Variants in SLC5A10 observed in about 807,000 individuals in gnomAD.
SLC5A10 encodes solute carrier family 5 member 10, also known as sodium/mannose cotransporter SLC5A10.
In SLC5A10, 55 loss-of-function variants were observed where a neutral mutation model predicts 68.9. The ratio of observed to expected loss-of-function variants is 0.80; its 90% CI spans 0.64 to 1.00. The LOEUF is 1.00. Ranked by LOEUF, SLC5A10 falls within the 50% of genes least tolerant of loss-of-function variation. The probability of loss-of-function intolerance (pLI) is 0.00; values close to 1 mark genes in which losing one functional copy is unlikely to be tolerated. For synonymous variants in SLC5A10, 344 were observed against 344.8 expected, an observed-to-expected ratio of 1.00 and a Z score of 0.02; for missense variants, 732 against 819.3, an observed-to-expected ratio of 0.89 and a Z score of 1.30.
intron 8 of SLC5A10, chr17:18,976,376 A>G (rs906423406): frequency 3.3e-5 from 5 of 153,660 alleles, no homozygotes; most frequent in African/African-American, 1.2e-4. Context: ...CTGCTACTGA[A>G]CTGCAAGCTT....
At chr17:18,985,708 A>G (rs564292534) in intron 9 of SLC5A10, among the ~76,000 whole-genome samples, 3 of 152,318 alleles carry the variant, frequency 2.0e-5, no homozygotes, top group African/African-American at 7.2e-5. Flanking sequence ...GCCAGGTCAC[A>G]CTTTCCCATG....
At position 18,968,384 on chromosome 17, in the gene SLC5A10, G is replaced by T. The variant is rs375051305; in HGVS notation, c.454-668G>T. Among the ~76,000 whole-genome samples the T allele has an allele frequency of 6.6e-6, 1 of 152,226 alleles. No individual in the cohort carries two copies. The highest frequency in any genetic ancestry group is 1.5e-5 in the Non-Finnish European group (1 of 68,032). On this transcript the variant is annotated intron_variant, in intron 5 of 14. Coordinates refer to ENST00000395645, the MANE Select transcript of SLC5A10 (RefSeq NM_001042450.4). This position sits in a 1 kb window ranked among gnomAD's most constrained non-coding sequence, Gnocchi z 4.1. ...CACTGGGCCCCTACTGCCAGGTGGA[G>T]GGTGGGATTCTGGTCTTTGAGGCCC...
At chr17:18,973,033 G>A (rs1323210142) in intron 8 of SLC5A10, among the ~76,000 whole-genome samples, 4 of 152,220 alleles carry the variant, frequency 2.6e-5, no homozygotes, top group African/African-American at 9.6e-5. Flanking sequence ...TCATGGGAGG[G>A]CTTTCCAGGG....
At chr17:18,962,594 G>C (rs2042632236) in intron 5 of SLC5A10, among the ~76,000 whole-genome samples, 1 of 152,190 alleles carries the variant, frequency 6.6e-6, no homozygotes, top group Non-Finnish European at 1.5e-5. Flanking sequence ...GGCAAGGGAG[G>C]TCTGATTGTA....
Position 18,976,897 on chromosome 17 carries a change from C to T in SLC5A10, c.890C>T (p.Ala297Val). Residue 297 changes from alanine (A) to valine (V), a missense_variant, in exon 9 of 15, where the codon GCC (alanine) becomes GTC (valine). Ala to Val is a moderately conservative substitution (Grantham distance 64). Transcript: ENST00000395645. ...CTGTCAGCCCGGGACCTGAACCATG[C>T]CAAGGCGGGCTCCATCCTGGCCAGC... ...RSLSARDLNH[A>V]KAGSILASYL... 3 of 1,613,618 alleles carry T rather than the reference C, an allele frequency of 1.9e-6. No homozygotes were observed. Among genetic ancestry groups the T allele is most frequent in the Non-Finnish European group, 2.5e-6 (3 of 1,180,016 alleles).
chr17:18,971,225 G>A lies in SLC5A10; in HGVS notation c.846+7G>A. 1.9e-6 allele frequency: 3 copies of A among 1,613,720 alleles called. No homozygotes were observed. Among genetic ancestry groups the A allele is most frequent in the Non-Finnish European group, 2.5e-6 (3 of 1,179,940 alleles). ...GTACTGGTGCACCGACCAGGTGAGTGCCAACGTCTCCCGCCCATCCCACCT... is the reference window on the plus strand; with the variant it reads ...GTACTGGTGCACCGACCAGGTGAGTACCAACGTCTCCCGCCCATCCCACCT... On this transcript the variant is annotated splice_region_variant and intron_variant, in intron 8 of 14. Coordinates refer to ENST00000395645, the MANE Select transcript of SLC5A10 (RefSeq NM_001042450.4). This position sits in a 1 kb window ranked among gnomAD's most constrained non-coding sequence, Gnocchi z 5.5.
chr17:19,003,248 G>A lies in SLC5A10; in HGVS notation c.983-10162G>A, dbSNP rs1422106914. Among the ~76,000 whole-genome samples, 1 of 150,878 alleles carries A rather than the reference G, an allele frequency of 6.6e-6. No individual in the cohort carries two copies. The highest frequency in any genetic ancestry group is 2.4e-5 in the African/African-American group (1 of 40,996). ...CCCTATCTCGGTGCCTTCTTCTGGGGAACCAGAAACACCCTCCAACAATAA... is the reference window on the plus strand; with the variant it reads ...CCCTATCTCGGTGCCTTCTTCTGGGAAACCAGAAACACCCTCCAACAATAA... On this transcript the variant is annotated intron_variant, in intron 9 of 14. Coordinates refer to ENST00000395645, the MANE Select transcript of SLC5A10 (RefSeq NM_001042450.4). This position sits in a 1 kb window ranked among gnomAD's most constrained non-coding sequence, Gnocchi z 4.5.
intron 13 of SLC5A10, 113 bp downstream of exon 13, chr17:19,020,041 C>G: frequency 7.0e-7 from 1 of 1,435,116 alleles, no homozygotes; most frequent in Non-Finnish European, 9.6e-7. Flanking sequence ...TACCTAGCCC[C>G]GTCCCTTTTT....
At chr17:18,979,250 G>A (rs1335437251) in intron 9 of SLC5A10, 2 of 481,092 alleles carry the variant, frequency 4.2e-6, no homozygotes, top group East Asian at 7.5e-5. Flanking sequence ...CACAGAGCTG[G>A]CCCCATCCCT....
Position 19,000,804 on chromosome 17 carries a change from G to A in SLC5A10, c.983-12606G>A, listed in dbSNP as rs1567805581. 6.6e-6 allele frequency among the ~76,000 whole-genome samples: 1 copy of A among 152,170 alleles called. No homozygotes were observed. Among genetic ancestry groups the A allele is most frequent in the Non-Finnish European group, 1.5e-5 (1 of 68,016 alleles). Reference sequence around the variant, plus strand: ...AGCATGGGCACGAGAGGTGATTCATGGGGAGAGATAAGGCAGGGAGCGCTC... The same window carrying A: ...AGCATGGGCACGAGAGGTGATTCATAGGGAGAGATAAGGCAGGGAGCGCTC... On this transcript the variant is annotated intron_variant, in intron 9 of 14. Coordinates refer to ENST00000395645, the MANE Select transcript of SLC5A10 (RefSeq NM_001042450.4). This position sits in a 1 kb window ranked among gnomAD's most constrained non-coding sequence, Gnocchi z 5.2.
Position 19,013,392 on chromosome 17 carries a change from T to G in SLC5A10, c.983-18T>G. 1 of 1,605,324 alleles carries G rather than the reference T, an allele frequency of 6.2e-7. No individual in the cohort carries two copies. The highest frequency in any genetic ancestry group is 8.5e-7 in the Non-Finnish European group (1 of 1,175,596). On this transcript the variant is annotated intron_variant, in intron 9 of 14. Transcript: ENST00000395645. ...CATGTCTATGAGGAGAGACACCAAGTGTCCGTCTCTCGAACAGATGATGTG... is the reference window on the plus strand; with the variant it reads ...CATGTCTATGAGGAGAGACACCAAGGGTCCGTCTCTCGAACAGATGATGTG...
chr17:19,006,778 T>C (rs2043902199), intron 9 of SLC5A10, among the ~76,000 whole-genome samples: 1 of 152,218 alleles, frequency 6.6e-6, no homozygotes, highest in Non-Finnish European at 1.5e-5. Context: ...ATGGAAGATA[T>C]AGTATATAAA....
intron 8 of SLC5A10, chr17:18,976,194 A>AAAAAAAAAAAAAAAAT (rs2042976367): frequency 6.6e-6 from 1 of 151,624 alleles, no homozygotes; most frequent in Non-Finnish European, 1.5e-5. Context: ...ACTCAAAAAA[A>AAAAAAAAAAAAAAAAT]AAGTAACTCT....
At chr17:18,982,639 G>C (rs186532604) in intron 9 of SLC5A10, among the ~76,000 whole-genome samples, 4 of 152,310 alleles carry the variant, frequency 2.6e-5, no homozygotes, top group African/African-American at 9.6e-5. Context: ...GCAAGGCAAG[G>C]TGGGGGCTCC....
Position 19,020,321 on chromosome 17 carries a change from C to G in SLC5A10, c.1685-4C>G, listed in dbSNP as rs1417810465. 1 of 1,614,046 alleles carries G rather than the reference C, an allele frequency of 6.2e-7. No homozygotes were observed. Among genetic ancestry groups the G allele is most frequent in the Non-Finnish European group, 8.5e-7 (1 of 1,180,012 alleles). On this transcript the variant is annotated splice_polypyrimidine_tract_variant and splice_region_variant and intron_variant, in intron 14 of 14. Transcript: ENST00000395645. Reference sequence around the variant, plus strand: ...TGTCCCTCTCCTTCTGCAACCCCCTCCAGGTGATGGCCAAACACCCCAGAA... The same window carrying G: ...TGTCCCTCTCCTTCTGCAACCCCCTGCAGGTGATGGCCAAACACCCCAGAA...
intron 9 of SLC5A10, among the ~76,000 whole-genome samples, chr17:18,984,471 G>A (rs893344142): frequency 6.6e-5 from 10 of 152,314 alleles, no homozygotes; most frequent in Admixed American, 5.2e-4. Context: ...GGGCTGGGTC[G>A]TGCCTGTCCA....
chr17:19,021,913 C>G lies in SLC5A10; in HGVS notation c.*1482C>G. ...GGGTGTCCATGTCCTCTCTGGACCT[C>G]AGTTCCTGTAAAAAGGCCCGTTGGC... On this transcript the variant is annotated 3_prime_UTR_variant, in exon 15 of 15. Coordinates refer to ENST00000395645, the MANE Select transcript of SLC5A10 (RefSeq NM_001042450.4). This position sits in a 1 kb window ranked among gnomAD's most constrained non-coding sequence, Gnocchi z 4.1. The G allele has an allele frequency of 6.9e-7, 1 of 1,451,882 alleles. No homozygotes were observed. Among genetic ancestry groups the G allele is most frequent in the Non-Finnish European group, 9.1e-7 (1 of 1,101,630 alleles). 89.9% of individuals were successfully genotyped at this position (1,451,882 alleles called of 1,614,324 possible).
intron 4 of SLC5A10, among the ~76,000 whole-genome samples, chr17:18,959,923 T>A (rs1004943499): frequency 6.6e-6 from 1 of 152,096 alleles, no homozygotes; most frequent in African/African-American, 2.4e-5. Flanking sequence ...GAGTGCTGCA[T>A]CTCAGGAATA....
chr17:18,977,828 G>A, intron 9 of SLC5A10: 1 of 1,609,558 alleles, frequency 6.2e-7, no homozygotes, highest in Non-Finnish European at 8.5e-7. Flanking sequence ...TGACACAGAG[G>A]AAGCCACTGA....
Sources: allele counts gnomAD v4.1 joint callset (sites outside exome capture counted in the v4.1 genomes callset), GRCh38; gene constraint gnomAD v4.1.1; non-coding constraint Gnocchi (gnomAD v3.1); transcripts MANE v1.5; gene names NCBI Gene and HGNC (gene_info 2026-07-23, HGNC 2026-07-21).